Variants in TTLL11 observed in about 807,000 individuals in gnomAD.
TTLL11 encodes tubulin tyrosine ligase like 11, also known as tubulin polyglutamylase TTLL11.
Under a neutral mutation model 51.7 loss-of-function variants are expected in TTLL11, and 42 were observed. That is an observed-to-expected ratio of 0.81 (90% CI 0.64 to 1.05). The LOEUF (loss-of-function observed/expected upper bound fraction) is 1.05. Ranked by LOEUF, TTLL11 falls within the 50% of genes least tolerant of loss-of-function variation. TTLL11 has a pLI of 0.00. For missense variants in TTLL11, 799 were observed against 940.4 expected (o/e 0.85, Z 1.97); for synonymous variants, 381 against 383.5 (o/e 0.99, Z 0.08).
Position 121,899,402 on chromosome 9 carries a change from T to TATAC in TTLL11, c.1482-28655_1482-28654insGTAT, listed in dbSNP as rs1465376759. Among the ~76,000 whole-genome samples the TATAC allele has an allele frequency of 5.8e-3, 484 of 82,754 alleles. 2 individuals carry two copies. Among genetic ancestry groups the TATAC allele is most frequent in the African/African-American group, 0.015 (441 of 28,580 alleles). 54.3% of individuals were successfully genotyped at this position (82,754 alleles called of 152,430 possible). On this transcript the variant is annotated intron_variant, in intron 6 of 8. Transcript: ENST00000321582. The stretch of plus-strand genomic sequence containing the variant: ...ACATATATATATATATATATATATA[T>TATAC]ACACACACACACACATTTAGAGACA...
intron 6 of TTLL11, among the ~76,000 whole-genome samples, chr9:121,878,706 C>CAATA (rs1444219477): frequency 1.3e-5 from 2 of 152,258 alleles, no homozygotes; most frequent in African/African-American, 4.8e-5. Context: ...AAGGAGCTGA[C>CAATA]AGCTCATTTT....
At chr9:121,847,001 G>GAGATC (rs1302084239) in intron 8 of TTLL11, among the ~76,000 whole-genome samples, 1 of 152,154 alleles carries the variant, frequency 6.6e-6, no homozygotes, top group Non-Finnish European at 1.5e-5. Context: ...ACGAGGTCAA[G>GAGATC]AGATCAAGGC....
intron 6 of TTLL11, among the ~76,000 whole-genome samples, chr9:121,934,847 A>G (rs1054577150): frequency 6.6e-6 from 1 of 152,192 alleles, no homozygotes; most frequent in Non-Finnish European, 1.5e-5. Context: ...CTGTTTCATC[A>G]AAGACCTTCT....
chr9:121,957,550 C>T (rs900578159), intron 6 of TTLL11, among the ~76,000 whole-genome samples: 2 of 152,172 alleles, frequency 1.3e-5, no homozygotes, highest in Non-Finnish European at 2.9e-5. Context: ...CAAGTGGGCC[C>T]CTGCCTTGTG....
intron 1 of TTLL11, among the ~76,000 whole-genome samples, chr9:122,058,887 C>G (rs1477407840): frequency 6.6e-6 from 1 of 152,162 alleles, no homozygotes; most frequent in Non-Finnish European, 1.5e-5. Context: ...CTGGCATTTC[C>G]CTGATGACCA....
rs368015583 is a variant in TTLL11, at chr9:121,882,822, T to C, written c.1482-12074A>G. On this transcript the variant is annotated intron_variant, in intron 6 of 8. Transcript: ENST00000321582. The stretch of plus-strand genomic sequence containing the variant: ...TCCTTCCCACTCAGAAATACTCTCT[T>C]CCTGATTCCCACAGTACTTTATAGT... Among the ~76,000 whole-genome samples the C allele has an allele frequency of 1.8e-4, 28 of 152,320 alleles. No homozygotes were observed. In the East Asian group the frequency reaches 5.4e-3, roughly 29 times the overall value.
At chr9:121,897,642 G>A (rs9408930) in intron 6 of TTLL11, among the ~76,000 whole-genome samples, 23,744 of 69,504 alleles carry the variant, frequency 0.34, 2,066 homozygotes, top group Admixed American at 0.43. Flanking sequence ...ACACACACAC[G>A]CGCGCGCGAA....
chr9:122,005,069 G>A (rs1843603452), intron 3 of TTLL11, among the ~76,000 whole-genome samples: 1 of 152,226 alleles, frequency 6.6e-6, no homozygotes, highest in Non-Finnish European at 1.5e-5. Flanking sequence ...AAAGGAGGAT[G>A]AGACACAGGG....
chr9:121,939,760 T>C (rs1157794370), intron 6 of TTLL11, among the ~76,000 whole-genome samples: 2 of 152,146 alleles, frequency 1.3e-5, no homozygotes, highest in Non-Finnish European at 2.9e-5. Flanking sequence ...ACTGAGATAA[T>C]CGCTGGTGCT....
Position 121,901,955 on chromosome 9 carries a change from T to A in TTLL11, c.1482-31207A>T, listed in dbSNP as rs565702557. Among the ~76,000 whole-genome samples the A allele has an allele frequency of 5.9e-5, 9 of 152,232 alleles. No homozygotes were observed. In the East Asian group the frequency reaches 1.2e-3, roughly 20 times the overall value. ...ACATTCCTACATTAAATTTTTTATT[T>A]TTTATTTATTTATTTTTTAGCCAGC... is the stretch of plus-strand genomic sequence containing the variant. On this transcript the variant is annotated intron_variant, in intron 6 of 8. Coordinates refer to ENST00000321582, the MANE Select transcript of TTLL11 (RefSeq NM_001139442.2).
intron 8 of TTLL11, among the ~76,000 whole-genome samples, chr9:121,823,957 C>A (rs1169572989): frequency 6.6e-6 from 1 of 152,196 alleles, no homozygotes; most frequent in Non-Finnish European, 1.5e-5. Flanking sequence ...GATTCCTGCA[C>A]TTCTCTTTGC....
chr9:121,873,829 G>C (rs1198681155), intron 6 of TTLL11, among the ~76,000 whole-genome samples: 1 of 97,758 alleles, frequency 1.0e-5, no homozygotes, highest in African/African-American at 5.3e-5. Flanking sequence ...CCATTAGCCT[G>C]ACTTTTTTTT....
chr9:122,002,944 C>CAAAAAAAAAAAAAAAAAAA lies in TTLL11; in HGVS notation c.694-13193_694-13175dup, dbSNP rs547408355. Reference sequence around the variant, plus strand: ...CTGGCAACAGAGTGAGACTCTGTCTCAAAAAAAAAAAAAAAAAAAAGAGAT... The same window carrying CAAAAAAAAAAAAAAAAAAA: ...CTGGCAACAGAGTGAGACTCTGTCTCAAAAAAAAAAAAAAAAAAAAAAAAAAAAAAAAAAAAAAAGAGAT... On this transcript the variant is annotated intron_variant, in intron 3 of 8. Coordinates refer to ENST00000321582, the MANE Select transcript of TTLL11 (RefSeq NM_001139442.2). Among the ~76,000 whole-genome samples the CAAAAAAAAAAAAAAAAAAA allele has an allele frequency of 1.4e-3, 88 of 61,206 alleles. 3 individuals are homozygous for CAAAAAAAAAAAAAAAAAAA. Among genetic ancestry groups the CAAAAAAAAAAAAAAAAAAA allele is most frequent in the African/African-American group, 3.2e-3 (38 of 11,888 alleles). 40.2% of individuals were successfully genotyped at this position (61,206 alleles called of 152,430 possible).
intron 2 of TTLL11, among the ~76,000 whole-genome samples, chr9:122,034,127 C>T (rs767233552): frequency 4.6e-5 from 7 of 152,176 alleles, no homozygotes; most frequent in Non-Finnish European, 8.8e-5. Context: ...GCCTCCTGAC[C>T]AAATAGTGTT....
At chr9:121,981,741 G>A (rs1201431595) in intron 4 of TTLL11, among the ~76,000 whole-genome samples, 2 of 152,176 alleles carry the variant, frequency 1.3e-5, no homozygotes, top group African/African-American at 4.8e-5. Flanking sequence ...TTTGCTTAAG[G>A]TGAATAGCAT....
chr9:122,021,887 G>T (rs907227184), intron 3 of TTLL11, among the ~76,000 whole-genome samples: 2 of 152,160 alleles, frequency 1.3e-5, no homozygotes, highest in African/African-American at 2.4e-5. Flanking sequence ...AGAATTAGGA[G>T]ACAGTGACAT....
chr9:121,955,359 A>G (rs1226459459), intron 6 of TTLL11, among the ~76,000 whole-genome samples: 1 of 152,232 alleles, frequency 6.6e-6, no homozygotes, highest in Non-Finnish European at 1.5e-5. Context: ...CATTTGTTAA[A>G]TGGCAATAGG....
intron 3 of TTLL11, among the ~76,000 whole-genome samples, chr9:122,006,138 G>A (rs569706223): frequency 2.0e-5 from 3 of 151,912 alleles, no homozygotes; most frequent in Non-Finnish European, 4.4e-5. Flanking sequence ...TCAGGAGTTC[G>A]AGACCAGCCT....
chr9:122,051,557 CA>C (rs1173963465), intron 1 of TTLL11, among the ~76,000 whole-genome samples: 1 of 152,172 alleles, frequency 6.6e-6, no homozygotes, highest in African/African-American at 2.4e-5. Flanking sequence ...AAACCCAACA[CA>C]CCCACAGCTG....
Sources: gnomAD v4.1 joint callset for allele counts (sites outside exome capture counted in the v4.1 genomes callset) on GRCh38, gnomAD v4.1.1 for gene constraint, MANE v1.5 for transcripts, NCBI Gene and HGNC (gene_info 2026-07-23, HGNC 2026-07-21) for gene names.